Variants in GPC5 observed in about 807,000 individuals in gnomAD.
The protein encoded by GPC5 is glypican 5.
Under a neutral mutation model 53.9 loss-of-function variants are expected in GPC5, and 47 were observed. The observed-to-expected ratio is 0.87, with a 90% CI of 0.69 to 1.11. The LOEUF (loss-of-function observed/expected upper bound fraction) is 1.11. Among genes scored for constraint, GPC5 ranks in the 50% most tolerant of loss-of-function variants. The probability of loss-of-function intolerance (pLI) is 0.00; values close to 1 mark genes in which losing one functional copy is unlikely to be tolerated. For synonymous variants in GPC5, 286 were observed against 263.3 expected (o/e 1.09, Z -0.84); for missense variants, 748 against 713.1 (o/e 1.05, Z -0.56).
chr13:92,199,633 TA>T (rs1166367571), intron 7 of GPC5, among the ~76,000 whole-genome samples: 1 of 152,214 alleles, frequency 6.6e-6, no homozygotes, highest in African/African-American at 2.4e-5. Context: ...TTGGCTATTT[TA>T]TAGGCAAATA....
At chr13:92,377,585 T>G (rs1383731364) in intron 7 of GPC5, among the ~76,000 whole-genome samples, 1 of 152,228 alleles carries the variant, frequency 6.6e-6, no homozygotes, top group African/African-American at 2.4e-5. Context: ...CACCAATTGC[T>G]AGAATATGCT....
intron 7 of GPC5, among the ~76,000 whole-genome samples, chr13:92,469,636 T>C (rs1306502208): frequency 6.6e-6 from 1 of 152,142 alleles, no homozygotes; most frequent in African/African-American, 2.4e-5. Context: ...TCTGTACAAT[T>C]GTTCTATTTG....
chr13:92,467,717 A>G (rs1386039946), intron 7 of GPC5, among the ~76,000 whole-genome samples: 1 of 152,156 alleles, frequency 6.6e-6, no homozygotes, highest in East Asian at 1.9e-4. Context: ...CTGCTGGGCT[A>G]CACTGCCTCT....
chr13:91,581,006 A>G (rs371795988), intron 2 of GPC5, among the ~76,000 whole-genome samples: 66 of 152,324 alleles, frequency 4.3e-4, no homozygotes, highest in African/African-American at 1.5e-3. Context: ...GCAAGGGAAG[A>G]ATGAGTAAAA....
At chr13:92,446,499 T>G (rs1293569285) in intron 7 of GPC5, 1 of 151,714 alleles carries the variant, frequency 6.6e-6, no homozygotes, top group Non-Finnish European at 1.5e-5. Context: ...CCATTTTGTC[T>G]AAGTACCACA....
chr13:92,306,486 T>C (rs1254722196), intron 7 of GPC5, among the ~76,000 whole-genome samples: 3 of 152,152 alleles, frequency 2.0e-5, no homozygotes, highest in African/African-American at 7.2e-5. Context: ...AGAGAAGGCT[T>C]CCCATTGGAG....
intron 7 of GPC5, among the ~76,000 whole-genome samples, chr13:92,864,447 T>C (rs947384325): frequency 1.3e-5 from 2 of 152,098 alleles, no homozygotes; most frequent in Non-Finnish European, 2.9e-5. Flanking sequence ...GAACAAAATA[T>C]AAGCTCAGAA....
intron 2 of GPC5, among the ~76,000 whole-genome samples, chr13:91,539,580 T>C (rs1373844033): frequency 2.0e-5 from 3 of 152,168 alleles, no homozygotes; most frequent in African/African-American, 7.2e-5. Context: ...ACTGAAACTC[T>C]CACTGGCTGT....
chr13:92,296,945 C>A (rs1249226373), intron 7 of GPC5, among the ~76,000 whole-genome samples: 1 of 152,206 alleles, frequency 6.6e-6, no homozygotes, highest in Non-Finnish European at 1.5e-5. Flanking sequence ...CCTGAGCCTC[C>A]CACCCCCTCC....
intron 7 of GPC5, among the ~76,000 whole-genome samples, chr13:92,627,908 G>T (rs1488704806): frequency 5.9e-5 from 9 of 152,168 alleles, no homozygotes; most frequent in Non-Finnish European, 1.2e-4. Flanking sequence ...TGTAGCCAAT[G>T]GCATATATTT....
At chr13:91,641,490 G>GA (rs1236001154) in intron 2 of GPC5, among the ~76,000 whole-genome samples, 3 of 152,286 alleles carry the variant, frequency 2.0e-5, no homozygotes, top group Non-Finnish European at 2.9e-5. Context: ...GAGAGCATTA[G>GA]AAAAAATAGC....
chr13:91,964,954 A>G (rs1272910970), intron 6 of GPC5, among the ~76,000 whole-genome samples: 1 of 152,018 alleles, frequency 6.6e-6, no homozygotes, highest in African/African-American at 2.4e-5. Flanking sequence ...GAAGCTGGAA[A>G]CCATCATTCT....
intron 3 of GPC5, among the ~76,000 whole-genome samples, chr13:91,696,999 A>C (rs1013177310): frequency 5.3e-5 from 8 of 152,218 alleles, no homozygotes; most frequent in African/African-American, 9.7e-5. Flanking sequence ...CTCTTTGGTT[A>C]GATGGGGTGA....
chr13:91,880,259 T>C (rs1171910626), intron 5 of GPC5, among the ~76,000 whole-genome samples: 1 of 152,098 alleles, frequency 6.6e-6, no homozygotes, highest in Non-Finnish European at 1.5e-5. Flanking sequence ...TAGTGTTTTT[T>C]GTCTTTAAAA....
intron 7 of GPC5, among the ~76,000 whole-genome samples, chr13:92,289,994 C>A (rs1171639691): frequency 6.6e-6 from 1 of 152,076 alleles, no homozygotes; most frequent in South Asian, 2.1e-4. Flanking sequence ...CTAGCTGGAA[C>A]AGGAAGATTG....
At chr13:91,784,127 G>A (rs2037840839) in intron 5 of GPC5, among the ~76,000 whole-genome samples, 1 of 152,102 alleles carries the variant, frequency 6.6e-6, no homozygotes, top group African/African-American at 2.4e-5. Flanking sequence ...AACATGTACT[G>A]CCATAAAAGA....
chr13:91,659,753 G>A (rs999757572), intron 2 of GPC5, among the ~76,000 whole-genome samples: 2 of 152,052 alleles, frequency 1.3e-5, no homozygotes, highest in African/African-American at 2.4e-5. Context: ...GTCCCCCACC[G>A]CCTCCACCAT....
At chr13:91,465,897 C>T (rs546255317) in intron 2 of GPC5, among the ~76,000 whole-genome samples, 1 of 152,114 alleles carries the variant, frequency 6.6e-6, no homozygotes, top group Non-Finnish European at 1.5e-5. Flanking sequence ...ATAAAAATAA[C>T]AGCTTCATCT....
intron 5 of GPC5, among the ~76,000 whole-genome samples, chr13:91,892,580 C>T (rs1490670918): frequency 6.7e-6 from 1 of 150,100 alleles, no homozygotes; most frequent in Admixed American, 6.6e-5. Context: ...GCCTACTAAG[C>T]AAGCAATCTT....
Sources: gnomAD v4.1 joint callset for allele counts (sites outside exome capture counted in the v4.1 genomes callset) on GRCh38, gnomAD v4.1.1 for gene constraint, MANE v1.5 for transcripts, NCBI Gene and HGNC (gene_info 2026-07-23, HGNC 2026-07-21) for gene names.